The following CABCOCO1 variants were observed in gnomAD, a reference collection of about 807,000 sequenced individuals.
CABCOCO1 encodes ciliary associated calcium binding coiled-coil 1.
Under a neutral mutation model 35.7 loss-of-function variants are expected in CABCOCO1, and 28 were observed. That is an observed-to-expected ratio of 0.78 (90% CI 0.58 to 1.07). The LOEUF (loss-of-function observed/expected upper bound fraction) is 1.07, where lower values mean the gene tolerates loss of function less well. Among genes scored for constraint, CABCOCO1 ranks in the 50% least tolerant of loss-of-function variants. CABCOCO1 has a pLI of 0.00. For missense variants in CABCOCO1, 326 were observed against 309.2 expected (o/e 1.05, Z -0.41); for synonymous variants, 95 against 100.1 (o/e 0.95, Z 0.30).
Position 61,719,920 on chromosome 10 carries a change from CAAAAAAAAAA to C in CABCOCO1, c.552+29309_552+29318del, listed in dbSNP as rs34712304. 9.1e-5 allele frequency among the ~76,000 whole-genome samples: 8 copies of C among 87,980 alleles called. 1 individual carries two copies. In the Admixed American group the frequency reaches 1.0e-3, roughly 11 times the overall value. 57.7% of individuals were successfully genotyped at this position (87,980 alleles called of 152,430 possible). On this transcript the variant is annotated intron_variant, in intron 5 of 7. Transcript: ENST00000648843. ...TGGGCAGCAGAGTGAGACTCCATCT[CAAAAAAAAAA>C]AAAAAAAAAGGCAAAAAAGAAAATA... is the stretch of plus-strand genomic sequence containing the variant.
chr10:61,726,797 C>T (rs1272148718), intron 5 of CABCOCO1, among the ~76,000 whole-genome samples: 1 of 151,140 alleles, frequency 6.6e-6, no homozygotes, highest in African/African-American at 2.4e-5. Flanking sequence ...GTGGCTCACT[C>T]CTGTAATCCC....
At chr10:61,678,141 A>G (rs1839580860) in intron 2 of CABCOCO1, among the ~76,000 whole-genome samples, 1 of 152,038 alleles carries the variant, frequency 6.6e-6, no homozygotes, top group East Asian at 1.9e-4. Context: ...TTTTTGAAGA[A>G]TTTATACTTC....
At chr10:61,725,033 C>G (rs549309547) in intron 5 of CABCOCO1, among the ~76,000 whole-genome samples, 38 of 152,192 alleles carry the variant, frequency 2.5e-4, no homozygotes, top group Admixed American at 5.2e-4. Context: ...TTAGGAAATG[C>G]CTGTTGATGT....
At chr10:61,692,915 CA>C (rs1216349629) in intron 5 of CABCOCO1, among the ~76,000 whole-genome samples, 1 of 152,030 alleles carries the variant, frequency 6.6e-6, no homozygotes, top group Non-Finnish European at 1.5e-5. Context: ...TCTATTCAAG[CA>C]AAACTTTGGG....
intron 5 of CABCOCO1, among the ~76,000 whole-genome samples, chr10:61,694,772 T>C (rs1018089757): frequency 6.6e-6 from 1 of 152,084 alleles, no homozygotes; most frequent in Non-Finnish European, 1.5e-5. Context: ...GAAGTGAAGC[T>C]TTGGTAGACA....
intron 5 of CABCOCO1, among the ~76,000 whole-genome samples, chr10:61,724,143 C>A (rs2132045082): frequency 6.6e-6 from 1 of 152,054 alleles, no homozygotes; most frequent in Non-Finnish European, 1.5e-5. Context: ...ATATACTTTC[C>A]TGAAAAAAAT....
intron 5 of CABCOCO1, among the ~76,000 whole-genome samples, chr10:61,756,727 G>C (rs527735209): frequency 6.6e-6 from 1 of 152,056 alleles, no homozygotes; most frequent in South Asian, 2.1e-4. Flanking sequence ...TCACCTAAAG[G>C]CCTTCCCTTT....
chr10:61,725,292 A>G (rs555643288), intron 5 of CABCOCO1, among the ~76,000 whole-genome samples: 5 of 152,338 alleles, frequency 3.3e-5, no homozygotes, highest in African/African-American at 1.2e-4. Context: ...TCATGCTGCT[A>G]TAAAGACACA....
At chr10:61,703,895 C>T (rs1401774348) in intron 5 of CABCOCO1, among the ~76,000 whole-genome samples, 13 of 152,064 alleles carry the variant, frequency 8.5e-5, no homozygotes, top group Admixed American at 8.5e-4. Flanking sequence ...GGATAGTCTC[C>T]TAAGTTTTCT....
At chr10:61,665,117 T>C (rs986165958) in intron 1 of CABCOCO1, among the ~76,000 whole-genome samples, 2 of 152,246 alleles carry the variant, frequency 1.3e-5, no homozygotes, top group Admixed American at 6.5e-5. Flanking sequence ...TTCCCATTTG[T>C]TGTTTGTGGC....
chr10:61,679,329 C>CTATTTCTATCTA lies in CABCOCO1; in HGVS notation c.165-1811_165-1810insTTCTATCTATAT, dbSNP rs60971419. Among the ~76,000 whole-genome samples the CTATTTCTATCTA allele has an allele frequency of 2.5e-3, 361 of 142,840 alleles. 7 individuals carry two copies. The highest frequency in any genetic ancestry group is 4.9e-3 in the African/African-American group (190 of 39,050). The allele number at this position is 142,840 out of a possible 152,430, so 93.7% of individuals were successfully genotyped here. A position where few individuals can be genotyped will look rare whatever the true frequency, so the allele number is the denominator to read the frequency against. On this transcript the variant is annotated intron_variant, in intron 2 of 7. Transcript: ENST00000648843. ...TCTATATCTATATCTATATCTATAT[C>CTATTTCTATCTA]TATCTATATCTATCTATCTATCTGC...
chr10:61,719,039 G>T (rs1264239553), intron 5 of CABCOCO1, among the ~76,000 whole-genome samples: 1 of 152,100 alleles, frequency 6.6e-6, no homozygotes, highest in Non-Finnish European at 1.5e-5. Flanking sequence ...AAGTCATTAG[G>T]TTGCATAAAT....
At position 61,672,669 on chromosome 10, in the gene CABCOCO1, C is replaced by A. The variant is rs1202453867; in HGVS notation, c.98C>A (p.Ser33Tyr). Residue 33 changes from serine to tyrosine, a missense_variant, in exon 2 of 8, where the codon TCT (serine) becomes TAT (tyrosine). Physicochemically the swap from Ser to Tyr is moderately radical, Grantham distance 144 (BLOSUM62 -2). Transcript: ENST00000648843. ...TEFQEHEKIL[S>Y]PDFLSVAQIT... ...TTCCAGGAGCATGAAAAGATTCTGTCTCCGGATTTTCTTTCAGTTGCCCAA... is the reference window on the plus strand; with the variant it reads ...TTCCAGGAGCATGAAAAGATTCTGTATCCGGATTTTCTTTCAGTTGCCCAA... The A allele has an allele frequency of 1.0e-6, 1 of 982,614 alleles. No individual in the cohort carries two copies. The highest frequency in any genetic ancestry group is 1.2e-6 in the Non-Finnish European group (1 of 827,358). 60.9% of individuals were successfully genotyped at this position (982,614 alleles called of 1,614,324 possible).
chr10:61,758,163 C>A (rs1341721219), intron 5 of CABCOCO1, among the ~76,000 whole-genome samples: 1 of 152,028 alleles, frequency 6.6e-6, no homozygotes, highest in Non-Finnish European at 1.5e-5. Flanking sequence ...CCCCACCACC[C>A]CCACTCCAAA....
intron 5 of CABCOCO1, among the ~76,000 whole-genome samples, chr10:61,695,606 A>C (rs1840273496): frequency 6.6e-6 from 1 of 152,094 alleles, no homozygotes; most frequent in African/African-American, 2.4e-5. Flanking sequence ...AAAGATGAAG[A>C]CAATCTTAAA....
At chr10:61,673,589 G>C (rs1042713640) in intron 2 of CABCOCO1, among the ~76,000 whole-genome samples, 1 of 152,194 alleles carries the variant, frequency 6.6e-6, no homozygotes, top group Non-Finnish European at 1.5e-5. Context: ...ATAGCATAAA[G>C]ATGACTCACT....
chr10:61,721,754 G>C (rs988215800), intron 5 of CABCOCO1, among the ~76,000 whole-genome samples: 16 of 152,116 alleles, frequency 1.1e-4, no homozygotes, highest in African/African-American at 3.9e-4. Context: ...GAGGAGTGAT[G>C]CATTCCATAG....
At chr10:61,678,818 A>G (rs902021680) in intron 2 of CABCOCO1, among the ~76,000 whole-genome samples, 4 of 152,118 alleles carry the variant, frequency 2.6e-5, no homozygotes, top group African/African-American at 7.2e-5. Flanking sequence ...TTATTGAGAC[A>G]TACCATATAC....
At chr10:61,746,784 G>GT (rs1841671480) in intron 5 of CABCOCO1, among the ~76,000 whole-genome samples, 1 of 152,006 alleles carries the variant, frequency 6.6e-6, no homozygotes, top group South Asian at 2.1e-4. Flanking sequence ...TTGTAAAGCT[G>GT]TTTTGTATAT....
Sources: allele counts gnomAD v4.1 joint callset (sites outside exome capture counted in the v4.1 genomes callset), GRCh38; gene constraint gnomAD v4.1.1; transcripts MANE v1.5; gene names NCBI Gene and HGNC (gene_info 2026-07-23, HGNC 2026-07-21).